AGBL1: variants seen among roughly 807,000 people sequenced by gnomAD.
AGBL1 encodes the protein cytosolic carboxypeptidase 4.
AGBL1 carries 130 observed loss-of-function variants against 118.9 expected under a neutral mutation model. That is an observed-to-expected ratio of 1.09 (90% CI 0.95 to 1.26). The LOEUF is 1.26. Among genes scored for constraint, AGBL1 ranks in the 50% most tolerant of loss-of-function variants. The pLI, the probability that AGBL1 is intolerant of heterozygous loss-of-function variation, is 0.00. For missense variants in AGBL1, 1,584 were observed against 1,298.1 expected (o/e 1.22, Z -3.38); for synonymous variants, 555 against 478.9 (o/e 1.16, Z -2.08).
At chr15:86,201,106 A>G (rs1799207158) in intron 5 of AGBL1, among the ~76,000 whole-genome samples, 2 of 152,148 alleles carry the variant, frequency 1.3e-5, no homozygotes, top group Admixed American at 6.5e-5. Flanking sequence ...TATATATGAT[A>G]AATAGTCTTG....
Position 86,632,401 on chromosome 15 carries a change from C to A in AGBL1, c.2995-41872C>A, listed in dbSNP as rs189000213. 6.9e-3 allele frequency among the ~76,000 whole-genome samples: 1,050 copies of A among 152,124 alleles called. 6 individuals are homozygous for A. Among genetic ancestry groups the A allele is most frequent in the Middle Eastern group, 0.014 (4 of 294 alleles). ...GAGGTTGCGGTGAGCCGAGATTTCA[C>A]CATTGCACTCCAGCCTGGGCAACAA... is the stretch of plus-strand genomic sequence containing the variant. On this transcript the variant is annotated intron_variant, in intron 21 of 22. Transcript: ENST00000614907.
At chr15:86,497,548 A>G (rs2082868753) in intron 18 of AGBL1, among the ~76,000 whole-genome samples, 1 of 151,858 alleles carries the variant, frequency 6.6e-6, no homozygotes, top group Admixed American at 6.6e-5. Flanking sequence ...TGTTTTTATT[A>G]TGGGACCTCA....
intron 21 of AGBL1, among the ~76,000 whole-genome samples, chr15:86,632,659 G>T (rs1160610135): frequency 1.3e-5 from 2 of 149,540 alleles, no homozygotes; most frequent in South Asian, 2.1e-4. Context: ...TTTCACAAAG[G>T]CTTCCTTCTC....
intron 22 of AGBL1, among the ~76,000 whole-genome samples, chr15:86,881,781 G>T (rs575002036): frequency 1.3e-5 from 2 of 152,128 alleles, no homozygotes; most frequent in Non-Finnish European, 2.9e-5. Flanking sequence ...GATTACAGCT[G>T]TGTGCCACCA....
At chr15:86,596,116 C>T (rs2084401916) in intron 21 of AGBL1, among the ~76,000 whole-genome samples, 1 of 151,970 alleles carries the variant, frequency 6.6e-6, no homozygotes, top group Admixed American at 6.6e-5. Context: ...CTGGACAACA[C>T]AGGAAGACTC....
At chr15:86,097,297 G>A (rs768332128) in intron 1 of AGBL1, among the ~76,000 whole-genome samples, 3 of 152,110 alleles carry the variant, frequency 2.0e-5, no homozygotes, top group African/African-American at 4.8e-5. Context: ...CTGAGTATTT[G>A]TTGTTTCTGT....
intron 7 of AGBL1, 147 bp downstream of exon 7, chr15:86,248,026 C>A: frequency 2.6e-6 from 3 of 1,156,100 alleles, no homozygotes; most frequent in East Asian, 2.5e-5. Context: ...GGATTTAAGG[C>A]TTCATTCCAG....
At chr15:86,311,479 G>A (rs191552787) in intron 17 of AGBL1, among the ~76,000 whole-genome samples, 246 of 152,200 alleles carry the variant, frequency 1.6e-3, no homozygotes, top group African/African-American at 4.9e-3. Flanking sequence ...AAAAGAATAC[G>A]CTTTCTTTTA....
At chr15:86,242,653 T>C (rs1188072923) in intron 6 of AGBL1, among the ~76,000 whole-genome samples, 1 of 152,218 alleles carries the variant, frequency 6.6e-6, no homozygotes, top group African/African-American at 2.4e-5. Flanking sequence ...GCTGTGGCTG[T>C]TAAAGCTTCC....
At chr15:86,266,872 C>A in intron 12 of AGBL1, 118 bp from the exon 13 acceptor site, 1 of 905,052 alleles carries the variant, frequency 1.1e-6, no homozygotes, top group Non-Finnish European at 1.7e-6. Flanking sequence ...TGCACTCCAG[C>A]CTGGGCAACA....
intron 22 of AGBL1, among the ~76,000 whole-genome samples, chr15:86,899,354 A>G (rs2080178947): frequency 6.6e-6 from 1 of 152,084 alleles, no homozygotes; most frequent in South Asian, 2.1e-4. Flanking sequence ...TTAAACCCAA[A>G]AAGGAAACAA....
At chr15:86,725,478 C>A (rs1290439891) in intron 22 of AGBL1, among the ~76,000 whole-genome samples, 1 of 152,210 alleles carries the variant, frequency 6.6e-6, no homozygotes, top group Admixed American at 6.5e-5. Flanking sequence ...TATGAGAACA[C>A]ATTAGGGGTA....
rs1341324993 is a variant in AGBL1 at position 86,910,945 on chromosome 15, G to A, written c.*3651G>A. The A allele has an allele frequency of 1.3e-5, 2 of 152,190 alleles. No individual in the cohort carries two copies. The highest frequency in any genetic ancestry group is 4.8e-5 in the African/African-American group (2 of 41,444). The allele number at this position is 152,190 out of a possible 1,614,324, so 9.4% of individuals were successfully genotyped here. A position where few individuals can be genotyped will look rare whatever the true frequency, so the allele number is the denominator to read the frequency against. On this transcript the variant is annotated 3_prime_UTR_variant, in exon 23 of 23. Coordinates refer to ENST00000614907, the MANE Select transcript of AGBL1 (RefSeq NM_001386094.1). ...CCAGAGTTAGAGGGTACTTACTTGA[G>A]AGTTAACTCTCAATAGTTATAAGAG...
chr15:86,311,526 A>C (rs17604550), intron 17 of AGBL1, among the ~76,000 whole-genome samples: 1 of 152,054 alleles, frequency 6.6e-6, no homozygotes, highest in Non-Finnish European at 1.5e-5. Flanking sequence ...GCAGATAGTA[A>C]GAATTTTAGT....
intron 3 of AGBL1, among the ~76,000 whole-genome samples, chr15:86,146,575 A>C (rs1363599215): frequency 6.6e-6 from 1 of 152,196 alleles, no homozygotes; most frequent in African/African-American, 2.4e-5. Flanking sequence ...CTGGCAAACT[A>C]GGGTCATACA....
intron 22 of AGBL1, among the ~76,000 whole-genome samples, chr15:86,786,030 G>C (rs750947806): frequency 2.6e-5 from 4 of 152,138 alleles, no homozygotes; most frequent in African/African-American, 7.2e-5. Context: ...TGGGTAAATA[G>C]TTGTGAAGGG....
At chr15:86,558,497 T>C (rs2083768450) in intron 21 of AGBL1, among the ~76,000 whole-genome samples, 1 of 152,188 alleles carries the variant, frequency 6.6e-6, no homozygotes, top group African/African-American at 2.4e-5. Flanking sequence ...CCCAACTTTG[T>C]TTCCCTAGTA....
chr15:86,123,236 T>C (rs79526420), intron 1 of AGBL1, among the ~76,000 whole-genome samples: 1 of 151,922 alleles, frequency 6.6e-6, no homozygotes, highest in Non-Finnish European at 1.5e-5. Flanking sequence ...CCCCTTTGTC[T>C]TTTTTTTGTT....
intron 22 of AGBL1, among the ~76,000 whole-genome samples, chr15:86,759,989 C>T (rs191543941): frequency 2.3e-4 from 35 of 152,176 alleles, no homozygotes; most frequent in Non-Finnish European, 3.4e-4. Flanking sequence ...CAGCAGCAGG[C>T]TTCCATTTAT....
Sources: gnomAD v4.1 joint callset for allele counts (sites outside exome capture counted in the v4.1 genomes callset) on GRCh38, gnomAD v4.1.1 for gene constraint, MANE v1.5 for transcripts, NCBI Gene and HGNC (gene_info 2026-07-23, HGNC 2026-07-21) for gene names.